SAMM50: variants seen among roughly 807,000 people sequenced by gnomAD.
The protein encoded by SAMM50 is sorting and assembly machinery component 50 homolog.
A neutral mutation model predicts 66.9 loss-of-function variants in SAMM50; 47 were observed. The ratio of observed to expected loss-of-function variants is 0.70; its 90% CI spans 0.56 to 0.90. The LOEUF (loss-of-function observed/expected upper bound fraction) is 0.90. SAMM50 is among the 40% of genes least tolerant of loss of function. The pLI, the probability that SAMM50 is intolerant of heterozygous loss-of-function variation, is 0.00. For missense variants in SAMM50, 535 were observed against 595.3 expected (o/e 0.90, Z 1.05); for synonymous variants, 191 against 214.1 (o/e 0.89, Z 0.94).
At position 43,972,273 on chromosome 22, in the gene SAMM50, T is replaced by G. The variant is rs1216453827; in HGVS notation, c.360T>G (p.Phe120Leu). 2 of 1,605,806 alleles carry G rather than the reference T, an allele frequency of 1.2e-6. No homozygotes were observed. The highest frequency in any genetic ancestry group is 2.7e-5 in the African/African-American group (2 of 74,622). ...TTCCAAATGGGTTAGACGTTACCTT[T>G]GAAGTAACTGAATTGAGGAGATTAA... is the stretch of plus-strand genomic sequence containing the variant. Reference protein sequence around the residue: ...DALPNGLDVTFEVTELRRLTG... With the variant: ...DALPNGLDVTLEVTELRRLTG... The change falls in exon 5 of 15, where the codon TTT becomes TTG. Residue 120 changes from phenylalanine to leucine, a missense_variant. Phe to Leu is a conservative substitution (Grantham distance 22, BLOSUM62 0). Transcript: ENST00000350028.
In SAMM50 at chr22:43,963,899, G is replaced by GT. The variant is rs760201169; in HGVS notation, c.132+511dup. On this transcript the variant is annotated intron_variant, in intron 2 of 14. Transcript: ENST00000350028. ...TAGAGGATGCATACAGTTTTGTTTT[G>GT]TTTTTTTTATTTTTAAAATTTTTTT... 7.9e-5 allele frequency among the ~76,000 whole-genome samples: 12 copies of GT among 151,584 alleles called. No individual in the cohort carries two copies. In the East Asian group the frequency reaches 1.4e-3, roughly 17 times the overall value.
At chr22:43,989,001 G>A (rs16991288) in intron 12 of SAMM50, 110 bp from the exon 13 acceptor site, 10 of 1,039,688 alleles carry the variant, frequency 9.6e-6, no homozygotes, top group African/African-American at 3.2e-5. Context: ...CTCCAGCACT[G>A]TGTGGCGTTG....
intron 1 of SAMM50, among the ~76,000 whole-genome samples, chr22:43,960,767 C>T (rs2050143875): frequency 6.6e-6 from 1 of 152,116 alleles, no homozygotes; most frequent in South Asian, 2.1e-4. Flanking sequence ...CTGTGAAGGT[C>T]ACAGACTTCA....
In SAMM50 at chr22:43,968,221, T is replaced by C. The variant is rs186175412; in HGVS notation, c.235-510T>C. On this transcript the variant is annotated intron_variant, in intron 3 of 14. Coordinates refer to ENST00000350028, the MANE Select transcript of SAMM50 (RefSeq NM_015380.5). The stretch of plus-strand genomic sequence containing the variant: ...CAGCCTGGGCAGCAGAGCGAAACTC[T>C]GTCTCAAAAAAAAAAAAAAAAAAAA... Among the ~76,000 whole-genome samples the C allele has an allele frequency of 4.1e-4, 37 of 90,796 alleles. No individual in the cohort carries two copies. In the East Asian group the frequency reaches 0.012, roughly 31 times the overall value. The allele number at this position is 90,796 out of a possible 152,430, so 59.6% of individuals were successfully genotyped here.
At position 43,978,750 on chromosome 22, in the gene SAMM50, G is replaced by A. The variant is rs1014603229; in HGVS notation, c.936+792G>A. On this transcript the variant is annotated intron_variant, in intron 10 of 14. Transcript: ENST00000350028. ...CGCCAGAGGAGCCCCAGGCTGGGAGGGCACCTGGCATATTTCTCACGTCTT... is the reference window on the plus strand; with the variant it reads ...CGCCAGAGGAGCCCCAGGCTGGGAGAGCACCTGGCATATTTCTCACGTCTT... 2.8e-4 allele frequency among the ~76,000 whole-genome samples: 43 copies of A among 152,092 alleles called. 1 individual carries two copies. The highest frequency in any genetic ancestry group is 4.4e-5 in the Non-Finnish European group (3 of 68,026).
chr22:43,982,525 T>A (rs1202539456), intron 11 of SAMM50, among the ~76,000 whole-genome samples: 1 of 152,220 alleles, frequency 6.6e-6, no homozygotes, highest in Non-Finnish European at 1.5e-5. Context: ...ACAGTGACGG[T>A]GGGCACCCCA....
At position 43,983,955 on chromosome 22, in the gene SAMM50, A is replaced by C; in HGVS notation, c.1030A>C (p.Ser344Arg). The change falls in exon 12 of 15, where the codon AGC becomes CGC. Residue 344 changes from serine (S) to arginine (R), a missense_variant. Coordinates refer to ENST00000350028, the MANE Select transcript of SAMM50 (RefSeq NM_015380.5). This position sits in a 1 kb window ranked among gnomAD's most constrained non-coding sequence, Gnocchi z 4.2. ...ADRFYLGGPTSIRGFSMHSIG... is the reference protein window; with the variant it reads ...ADRFYLGGPTRIRGFSMHSIG... ...TAGGTTTTACCTTGGGGGACCCACA[A>C]GCATCCGCGGATTCAGCATGCACAG... 1 of 1,611,440 alleles carries C rather than the reference A, an allele frequency of 6.2e-7. No homozygotes were observed. Among genetic ancestry groups the C allele is most frequent in the Admixed American group, 1.7e-5 (1 of 59,666 alleles).
Position 43,996,405 on chromosome 22 carries a change from C to T in SAMM50, c.*22C>T, listed in dbSNP as rs2050355398. The T allele has an allele frequency of 6.2e-7, 1 of 1,613,006 alleles. No homozygotes were observed. On this transcript the variant is annotated 3_prime_UTR_variant, in exon 15 of 15. Transcript: ENST00000350028. ...GTAGCCGACACCCCTACAGGAGAAG[C>T]TCTGGGACTGGGGCAGCAGCAAGGC...
intron 12 of SAMM50, among the ~76,000 whole-genome samples, chr22:43,986,146 G>C (rs1049301897): frequency 3.4e-5 from 5 of 148,744 alleles, no homozygotes; most frequent in African/African-American, 1.0e-4. Flanking sequence ...AGGTTCAAGT[G>C]ATTCTCCTGC....
intron 8 of SAMM50, 100 bp from the exon 9 acceptor site, chr22:43,976,650 T>C: frequency 1.2e-6 from 1 of 814,098 alleles, no homozygotes; most frequent in Non-Finnish European, 2.1e-6. Flanking sequence ...ACATGATAGT[T>C]GTAGAGTGCT....
chr22:43,964,681 G>A (rs2050164137), intron 3 of SAMM50, 128 bp downstream of exon 3: 1 of 563,448 alleles, frequency 1.8e-6, no homozygotes, highest in African/African-American at 1.9e-5. Context: ...TACCCCACAG[G>A]GAGCCTTGGC....
chr22:43,970,348 G>A (rs1037270443), intron 4 of SAMM50, among the ~76,000 whole-genome samples: 2 of 152,122 alleles, frequency 1.3e-5, no homozygotes, highest in African/African-American at 4.8e-5. Flanking sequence ...ACCCTGGGCT[G>A]GTGTAGTTTC....
At chr22:43,972,173 C>A in intron 4 of SAMM50, 63 bp from the exon 5 acceptor site, 1 of 982,640 alleles carries the variant, frequency 1.0e-6, no homozygotes, top group Non-Finnish European at 1.5e-6. Context: ...TCTTTTTTAG[C>A]AATGGGAACC....
At chr22:43,978,007 G>T (rs768301792) in intron 10 of SAMM50, 49 bp downstream of exon 10, 3 of 1,259,882 alleles carry the variant, frequency 2.4e-6, no homozygotes, top group Admixed American at 1.8e-5. Context: ...CCTTACTTTG[G>T]GGATCTTACC....
At chr22:43,970,751 T>C (rs919914195) in intron 4 of SAMM50, among the ~76,000 whole-genome samples, 2 of 152,114 alleles carry the variant, frequency 1.3e-5, no homozygotes, top group African/African-American at 4.8e-5. Flanking sequence ...CTTTTTTTTT[T>C]ACCCGCAACC....
intron 11 of SAMM50, 126 bp downstream of exon 11, chr22:43,981,587 A>G (rs1367295999): frequency 1.6e-6 from 1 of 637,678 alleles, no homozygotes; most frequent in Admixed American, 2.9e-5. Context: ...TTCCTTTAGT[A>G]TTTATGTTTA....
intron 10 of SAMM50, among the ~76,000 whole-genome samples, chr22:43,978,240 G>A (rs1026677935): frequency 6.6e-6 from 1 of 151,682 alleles, no homozygotes; most frequent in African/African-American, 2.4e-5. Context: ...TCAGGAGATC[G>A]AGACCATCCT....
intron 7 of SAMM50, 83 bp from the exon 8 acceptor site, chr22:43,975,972 A>G (rs934839027): frequency 1.4e-6 from 2 of 1,408,402 alleles, no homozygotes; most frequent in Non-Finnish European, 2.0e-6. Context: ...TCATTGTTTC[A>G]TGATGCTTCA....
chr22:43,988,644 C>G (rs1363660687), intron 12 of SAMM50: 1 of 153,126 alleles, frequency 6.5e-6, no homozygotes, highest in African/African-American at 2.4e-5. Context: ...TGGCAGGCAG[C>G]CTCTGCCTTT....
Sources: allele counts gnomAD v4.1 joint callset (sites outside exome capture counted in the v4.1 genomes callset), GRCh38; gene constraint gnomAD v4.1.1; non-coding constraint Gnocchi (gnomAD v3.1); transcripts MANE v1.5; gene names NCBI Gene and HGNC (gene_info 2026-07-23, HGNC 2026-07-21).